The following MSRA variants were observed in gnomAD, a reference collection of about 807,000 sequenced individuals.
MSRA encodes mitochondrial peptide methionine sulfoxide reductase.
In MSRA, 54 loss-of-function variants were observed where a neutral mutation model predicts 31.3. The ratio of observed to expected loss-of-function variants is 1.73; its 90% CI spans 1.39 to 2.17. The LOEUF (loss-of-function observed/expected upper bound fraction) is 2.17. Ranked by LOEUF, MSRA falls within the 30% of genes most tolerant of loss-of-function variation. The pLI, the probability that MSRA is intolerant of heterozygous loss-of-function variation, is 0.00. For missense variants in MSRA, 507 were observed against 300.9 expected (o/e 1.69, Z -5.07); for synonymous variants, 169 against 116.5 (o/e 1.45, Z -2.90).
intron 1 of MSRA, among the ~76,000 whole-genome samples, chr8:10,093,710 T>G (rs982248904): frequency 6.6e-6 from 1 of 152,242 alleles, no homozygotes; most frequent in African/African-American, 2.4e-5. Context: ...ACCTTTATAC[T>G]TACTCCTATA....
chr8:10,269,704 G>A lies in MSRA; in HGVS notation c.331+24481G>A, dbSNP rs149896970. Among the ~76,000 whole-genome samples the A allele has an allele frequency of 3.2e-3, 488 of 152,292 alleles. 3 individuals carry two copies. The highest frequency in any genetic ancestry group is 0.02 in the South Asian group (97 of 4,822). On this transcript the variant is annotated intron_variant, in intron 3 of 5. Coordinates refer to ENST00000317173, the MANE Select transcript of MSRA (RefSeq NM_012331.5). ...CTGGCTCTCTCTCCCAGCCTGGAGT[G>A]CAGTGACTTGATCTCGGCTCACTGC...
intron 2 of MSRA, among the ~76,000 whole-genome samples, chr8:10,220,711 C>T (rs997679848): frequency 5.3e-5 from 8 of 152,190 alleles, no homozygotes; most frequent in Non-Finnish European, 1.2e-4. Flanking sequence ...TCTTCCAGCA[C>T]CCTTATATGG....
At chr8:10,252,907 G>T (rs533819200) in intron 3 of MSRA, among the ~76,000 whole-genome samples, 1 of 152,274 alleles carries the variant, frequency 6.6e-6, no homozygotes, top group East Asian at 1.9e-4. Context: ...GGGGTTCTCT[G>T]GCAGTATCTA....
intron 5 of MSRA, among the ~76,000 whole-genome samples, chr8:10,338,578 T>A (rs1168406221): frequency 9.2e-5 from 14 of 152,214 alleles, no homozygotes. Context: ...TATGCATATA[T>A]TAAAACATCA....
chr8:10,235,192 A>T (rs1461411578), intron 2 of MSRA, among the ~76,000 whole-genome samples: 1 of 152,174 alleles, frequency 6.6e-6, no homozygotes, highest in Non-Finnish European at 1.5e-5. Context: ...AAGTCTGAAC[A>T]AATTTCAAAA....
At chr8:10,365,446 T>A (rs1468276314) in intron 5 of MSRA, among the ~76,000 whole-genome samples, 2 of 152,340 alleles carry the variant, frequency 1.3e-5, no homozygotes, top group South Asian at 4.1e-4. Context: ...AGCCACTCTA[T>A]GCATCAGGTT....
At chr8:10,333,230 T>C (rs1007067507) in intron 5 of MSRA, among the ~76,000 whole-genome samples, 1 of 152,238 alleles carries the variant, frequency 6.6e-6, no homozygotes. Flanking sequence ...GGGGAATGTT[T>C]AGTGGCTCCC....
chr8:10,168,145 T>C (rs28587261), intron 1 of MSRA, among the ~76,000 whole-genome samples: 3,876 of 152,286 alleles, frequency 0.025, 152 homozygotes, highest in African/African-American at 0.089. Flanking sequence ...ATGGAGATAA[T>C]AAAAGTGTCT....
intron 2 of MSRA, among the ~76,000 whole-genome samples, chr8:10,210,119 A>G (rs1809344790): frequency 6.6e-6 from 1 of 152,128 alleles, no homozygotes; most frequent in South Asian, 2.1e-4. Context: ...GTTGTTTATC[A>G]CTGCAATGGA....
chr8:10,094,197 CT>C (rs1799004421), intron 1 of MSRA, among the ~76,000 whole-genome samples: 1 of 152,184 alleles, frequency 6.6e-6, no homozygotes, highest in African/African-American at 2.4e-5. Context: ...TTTTATTGAT[CT>C]ATCAACTTTA....
intron 5 of MSRA, among the ~76,000 whole-genome samples, chr8:10,335,689 G>C (rs1259499438): frequency 1.3e-5 from 2 of 152,194 alleles, no homozygotes; most frequent in Non-Finnish European, 2.9e-5. Context: ...GTGAGAAAGA[G>C]AGCCAGCCAC....
At chr8:10,376,010 G>A (rs1235648062) in intron 5 of MSRA, among the ~76,000 whole-genome samples, 2 of 152,076 alleles carry the variant, frequency 1.3e-5, no homozygotes, top group East Asian at 3.9e-4. Flanking sequence ...TCCCCTCCCC[G>A]GTCAGGTTCA....
At chr8:10,144,145 G>C (rs768203270) in intron 1 of MSRA, among the ~76,000 whole-genome samples, 2 of 152,302 alleles carry the variant, frequency 1.3e-5, no homozygotes, top group Non-Finnish European at 2.9e-5. Flanking sequence ...AGGAAAGTCA[G>C]GTTAAAGGAA....
At chr8:10,332,922 A>G (rs1173431378) in intron 5 of MSRA, among the ~76,000 whole-genome samples, 2 of 152,340 alleles carry the variant, frequency 1.3e-5, no homozygotes, top group African/African-American at 4.8e-5. Flanking sequence ...CCTTTGCTGC[A>G]GTGGCAGGAT....
chr8:10,382,619 C>G (rs528550534), intron 5 of MSRA, among the ~76,000 whole-genome samples: 2 of 152,260 alleles, frequency 1.3e-5, no homozygotes, highest in Admixed American at 1.3e-4. Context: ...AAAACCTGGC[C>G]AACAAGTGTT....
intron 1 of MSRA, among the ~76,000 whole-genome samples, chr8:10,193,246 T>A (rs1019713124): frequency 6.6e-6 from 1 of 152,186 alleles, no homozygotes; most frequent in Non-Finnish European, 1.5e-5. Context: ...AATTAGCACA[T>A]GAGAAACATT....
chr8:10,420,623 C>G (rs1239288595), intron 5 of MSRA, among the ~76,000 whole-genome samples: 3 of 152,072 alleles, frequency 2.0e-5, no homozygotes, highest in African/African-American at 7.2e-5. Context: ...AGTTACTAAC[C>G]CAGCCAGGTT....
At chr8:10,172,301 C>A (rs1162574127) in intron 1 of MSRA, among the ~76,000 whole-genome samples, 1 of 152,062 alleles carries the variant, frequency 6.6e-6, no homozygotes, top group Admixed American at 6.6e-5. Flanking sequence ...ATTTAGGAGG[C>A]CTTGGGAGGT....
In MSRA at chr8:10,074,318, G is replaced by A. The variant is rs546166373; in HGVS notation, c.142+19660G>A. The stretch of plus-strand genomic sequence containing the variant: ...AGGATGGTCTTGATCTCCTGACCTC[G>A]TGATCTGCCTGCCTCGGCCTCCCAA... On this transcript the variant is annotated intron_variant, in intron 1 of 5. Coordinates refer to ENST00000317173, the MANE Select transcript of MSRA (RefSeq NM_012331.5). Among the ~76,000 whole-genome samples the A allele has an allele frequency of 7.9e-5, 12 of 151,848 alleles. No individual in the cohort carries two copies. The East Asian group carries it at 1.8e-3, about 22-fold the overall frequency.
Sources: gnomAD v4.1 joint callset for allele counts (sites outside exome capture counted in the v4.1 genomes callset) on GRCh38, gnomAD v4.1.1 for gene constraint, MANE v1.5 for transcripts, NCBI Gene and HGNC (gene_info 2026-07-23, HGNC 2026-07-21) for gene names.